Variants in LRFN5 observed in about 807,000 individuals in gnomAD.
The protein encoded by LRFN5 is leucine rich repeat and fibronectin type III domain containing 5, also known as leucine-rich repeat and fibronectin type-III domain-containing protein 5.
LRFN5 carries 24 observed loss-of-function variants against 45.6 expected under a neutral mutation model. The ratio of observed to expected loss-of-function variants is 0.53; its 90% CI spans 0.38 to 0.74. LRFN5 has a LOEUF of 0.74. Among genes scored for constraint, LRFN5 ranks in the 30% least tolerant of loss-of-function variants. The pLI, the probability that LRFN5 is intolerant of heterozygous loss-of-function variation, is 0.00. For synonymous variants in LRFN5, 340 were observed against 313.8 expected, an observed-to-expected ratio of 1.08 and a Z score of -0.88; for missense variants, 776 against 861.5, an observed-to-expected ratio of 0.90 and a Z score of 1.24.
At chr14:41,864,631 G>A (rs1230873761) in intron 2 of LRFN5, among the ~76,000 whole-genome samples, 1 of 152,056 alleles carries the variant, frequency 6.6e-6, no homozygotes, top group Non-Finnish European at 1.5e-5. Flanking sequence ...CACATTCTGA[G>A]GTACTGGGAG....
intron 2 of LRFN5, among the ~76,000 whole-genome samples, chr14:41,778,526 A>G (rs1169680952): frequency 6.6e-6 from 1 of 151,650 alleles, no homozygotes; most frequent in African/African-American, 2.4e-5. Context: ...TATTATTATC[A>G]TCATGATTAT....
intron 2 of LRFN5, among the ~76,000 whole-genome samples, chr14:41,869,273 T>C (rs1015177446): frequency 3.9e-5 from 6 of 152,264 alleles, no homozygotes; most frequent in African/African-American, 7.2e-5. Flanking sequence ...CCTGAGCACC[T>C]GTACAACACC....
At chr14:41,735,768 CT>C (rs1344068246) in intron 1 of LRFN5, among the ~76,000 whole-genome samples, 2 of 151,994 alleles carry the variant, frequency 1.3e-5, no homozygotes, top group African/African-American at 4.8e-5. Context: ...CCCCCACCCC[CT>C]GACAGACCCC....
chr14:41,863,075 A>G (rs1555327601), intron 2 of LRFN5, among the ~76,000 whole-genome samples: 2 of 152,138 alleles, frequency 1.3e-5, no homozygotes, highest in South Asian at 2.1e-4. Flanking sequence ...CGTATTAGCC[A>G]GGATGGTCTC....
At position 41,819,410 on chromosome 14, in the gene LRFN5, C is replaced by T. The variant is rs116692143; in HGVS notation, c.-21+52381C>T. Among the ~76,000 whole-genome samples, 1,071 of 152,140 alleles carry T rather than the reference C, an allele frequency of 7.0e-3. 12 individuals carry two copies. Among genetic ancestry groups the T allele is most frequent in the African/African-American group, 0.025 (1,024 of 41,534 alleles). Reference sequence around the variant, plus strand: ...TGATTTTGATTTTTTAATAACCATTCTGATTCACGAAAGATGTTATCTCAT... The same window carrying T: ...TGATTTTGATTTTTTAATAACCATTTTGATTCACGAAAGATGTTATCTCAT... On this transcript the variant is annotated intron_variant, in intron 2 of 5. Coordinates refer to ENST00000298119, the MANE Select transcript of LRFN5 (RefSeq NM_152447.5).
intron 2 of LRFN5, among the ~76,000 whole-genome samples, chr14:41,804,569 T>C (rs562663529): frequency 6.6e-6 from 1 of 152,256 alleles, no homozygotes; most frequent in South Asian, 2.1e-4. Flanking sequence ...GGTCTTTCAT[T>C]AGTTTTACAA....
intron 1 of LRFN5, among the ~76,000 whole-genome samples, chr14:41,625,833 C>T (rs1888311627): frequency 1.3e-5 from 2 of 152,062 alleles, no homozygotes; most frequent in South Asian, 2.1e-4. Context: ...AAGTATTCAT[C>T]AATGGAGTGT....
intron 1 of LRFN5, among the ~76,000 whole-genome samples, chr14:41,759,242 A>G (rs1016955527): frequency 6.6e-6 from 1 of 152,082 alleles, no homozygotes; most frequent in Non-Finnish European, 1.5e-5. Flanking sequence ...TTTTCAGAAT[A>G]TTTGCAGTTC....
At chr14:41,859,617 A>G (rs1889593308) in intron 2 of LRFN5, among the ~76,000 whole-genome samples, 1 of 152,224 alleles carries the variant, frequency 6.6e-6, no homozygotes, top group African/African-American at 2.4e-5. Context: ...GCTATAAATG[A>G]GTTCAAATGC....
intron 1 of LRFN5, among the ~76,000 whole-genome samples, chr14:41,628,919 T>A (rs948336754): frequency 4.6e-5 from 7 of 152,152 alleles, no homozygotes; most frequent in Non-Finnish European, 1.0e-4. Context: ...TGGTGCATGT[T>A]GGACTTGCTG....
chr14:41,741,263 GAA>G (rs1884679407), intron 1 of LRFN5, among the ~76,000 whole-genome samples: 1 of 151,652 alleles, frequency 6.6e-6, no homozygotes, highest in Admixed American at 6.7e-5. Flanking sequence ...TGAGCAAAAA[GAA>G]TGAAGTAGGA....
At chr14:41,692,729 C>A (rs771793131) in intron 1 of LRFN5, among the ~76,000 whole-genome samples, 1 of 152,086 alleles carries the variant, frequency 6.6e-6, no homozygotes. Context: ...ATGTTTTTAA[C>A]TTGGTAAAGA....
intron 2 of LRFN5, among the ~76,000 whole-genome samples, chr14:41,771,092 A>G (rs138140273): frequency 1.8e-4 from 28 of 151,896 alleles, no homozygotes; most frequent in African/African-American, 5.8e-4. Flanking sequence ...TTGAGCCATT[A>G]CATAGCTGGA....
chr14:41,726,126 G>T (rs191780765), intron 1 of LRFN5, among the ~76,000 whole-genome samples: 1 of 152,088 alleles, frequency 6.6e-6, no homozygotes, highest in Non-Finnish European at 1.5e-5. Context: ...TAAGTAGCTT[G>T]GCTTACAATT....
chr14:41,617,680 G>C (rs1383846642), intron 1 of LRFN5, among the ~76,000 whole-genome samples: 1 of 152,044 alleles, frequency 6.6e-6, no homozygotes, highest in Admixed American at 6.6e-5. Flanking sequence ...TCCTGAGTCT[G>C]GGATATAAAT....
At chr14:41,643,930 A>G (rs1402659290) in intron 1 of LRFN5, among the ~76,000 whole-genome samples, 1 of 152,194 alleles carries the variant, frequency 6.6e-6, no homozygotes, top group Admixed American at 6.5e-5. Flanking sequence ...AAATATGCCC[A>G]AACTAATCTT....
Position 41,760,681 on chromosome 14 carries a change from TGA to T in LRFN5, c.-196-6167_-196-6166del, listed in dbSNP as rs931933996. Among the ~76,000 whole-genome samples the T allele has an allele frequency of 7.3e-5, 11 of 150,210 alleles. No individual in the cohort carries two copies. The Middle Eastern group carries it at 0.01, about 142-fold the overall frequency. On this transcript the variant is annotated intron_variant, in intron 1 of 5. Coordinates refer to ENST00000298119, the MANE Select transcript of LRFN5 (RefSeq NM_152447.5). ...ATGCAAAGGAGGAATAAATGAAGGA[TGA>T]GAGAGGGAGGGAGGAAGGAAAGAAG...
chr14:41,790,082 G>T (rs914090802), intron 2 of LRFN5, among the ~76,000 whole-genome samples: 1 of 151,856 alleles, frequency 6.6e-6, no homozygotes, highest in Non-Finnish European at 1.5e-5. Context: ...AATTTTCGTT[G>T]TGGAAGATGT....
chr14:41,791,098 T>G (rs542458550), intron 2 of LRFN5, among the ~76,000 whole-genome samples: 1 of 152,034 alleles, frequency 6.6e-6, no homozygotes, highest in East Asian at 1.9e-4. Flanking sequence ...GGTATTGACT[T>G]TAAGAGTTAA....
Sources: gnomAD v4.1 joint callset for allele counts (sites outside exome capture counted in the v4.1 genomes callset) on GRCh38, gnomAD v4.1.1 for gene constraint, MANE v1.5 for transcripts, NCBI Gene and HGNC (gene_info 2026-07-23, HGNC 2026-07-21) for gene names.